YTHDF2: variants seen among roughly 807,000 people sequenced by gnomAD.
The protein encoded by YTHDF2 is YTH N6-methyladenosine RNA binding protein F2.
In YTHDF2, 2 loss-of-function variants were observed where a neutral mutation model predicts 50.4. That is an observed-to-expected ratio of 0.04 (90% confidence interval 0.02 to 0.12). The LOEUF (loss-of-function observed/expected upper bound fraction) is 0.12. YTHDF2 is among the 10% of genes least tolerant of loss of function. The pLI is 1.00. For missense variants in YTHDF2, 483 were observed against 722.6 expected, an observed-to-expected ratio of 0.67 and a Z score of 3.80; for synonymous variants, 217 against 255.6, an observed-to-expected ratio of 0.85 and a Z score of 1.44.
intron 4 of YTHDF2, among the ~76,000 whole-genome samples, chr1:28,753,923 T>C (rs1570472849): frequency 6.6e-6 from 1 of 152,000 alleles, no homozygotes; most frequent in Non-Finnish European, 1.5e-5. Context: ...GCTAGGCTGG[T>C]CTCAAACTCC....
At chr1:28,766,076 C>T (rs563713011) in intron 4 of YTHDF2, among the ~76,000 whole-genome samples, 20 of 152,166 alleles carry the variant, frequency 1.3e-4, no homozygotes, top group Non-Finnish European at 2.5e-4. Context: ...ATTTGGAGAC[C>T]GTGGTTTCAT....
intron 3 of YTHDF2, 58 bp downstream of exon 3, chr1:28,738,396 C>T (rs976456309): frequency 1.3e-4 from 170 of 1,348,132 alleles, no homozygotes; most frequent in Non-Finnish European, 1.7e-4. Context: ...CTTTCTCCGC[C>T]TTCTACCAAT....
intron 4 of YTHDF2, among the ~76,000 whole-genome samples, chr1:28,753,603 G>A (rs1469240303): frequency 2.6e-5 from 4 of 151,882 alleles, no homozygotes; most frequent in Admixed American, 2.6e-4. Flanking sequence ...AATGCTTATG[G>A]TATGTTTTCA....
intron 3 of YTHDF2, 91 bp downstream of exon 3, chr1:28,738,429 AT>A (rs964001631): frequency 1.2e-4 from 134 of 1,153,718 alleles, no homozygotes; most frequent in Admixed American, 1.4e-4. Flanking sequence ...CTGAGGATTC[AT>A]TTTTTTTTCT....
chr1:28,749,179 C>CTTTT (rs60729215), intron 4 of YTHDF2, among the ~76,000 whole-genome samples: 68 of 107,406 alleles, frequency 6.3e-4, no homozygotes, highest in African/African-American at 7.5e-4. Context: ...TTCTTTCTTC[C>CTTTT]TTTTTTTTTT....
chr1:28,745,243 AGTT>A (rs551044117), intron 4 of YTHDF2, among the ~76,000 whole-genome samples: 9 of 152,236 alleles, frequency 5.9e-5, no homozygotes, highest in Admixed American at 3.3e-4. Context: ...GGAGGTACAT[AGTT>A]GTTAAAGTAG....
intron 4 of YTHDF2, 103 bp from the exon 5 acceptor site, chr1:28,768,826 C>G: frequency 1.1e-6 from 1 of 899,006 alleles, no homozygotes; most frequent in Non-Finnish European, 1.6e-6. Context: ...TCTAATAATT[C>G]TAAATAATTA....
intron 2 of YTHDF2, 69 bp downstream of exon 2, chr1:28,737,751 G>C (rs1400593757): frequency 1.9e-6 from 3 of 1,589,078 alleles, no homozygotes; most frequent in East Asian, 2.3e-5. Flanking sequence ...GGGGTCTCCG[G>C]GAAGCGCCCC....
At chr1:28,761,536 G>C (rs924456648) in intron 4 of YTHDF2, among the ~76,000 whole-genome samples, 1 of 152,102 alleles carries the variant, frequency 6.6e-6, no homozygotes, top group African/African-American at 2.4e-5. Flanking sequence ...TTGGGAGTTC[G>C]AGACCATCCT....
At chr1:28,746,079 G>A (rs1219988899) in intron 4 of YTHDF2, among the ~76,000 whole-genome samples, 2 of 152,070 alleles carry the variant, frequency 1.3e-5, no homozygotes, top group Admixed American at 1.3e-4. Context: ...GAAAAAGATA[G>A]TTTATTGGTG....
At chr1:28,760,823 G>A (rs1451103862) in intron 4 of YTHDF2, among the ~76,000 whole-genome samples, 1 of 151,988 alleles carries the variant, frequency 6.6e-6, no homozygotes, top group Non-Finnish European at 1.5e-5. Flanking sequence ...CAGGTGATCC[G>A]CCTGCCTCTG....
chr1:28,759,641 A>G (rs2088085672), intron 4 of YTHDF2, among the ~76,000 whole-genome samples: 1 of 152,194 alleles, frequency 6.6e-6, no homozygotes, highest in Admixed American at 6.5e-5. Flanking sequence ...AACACAGAAA[A>G]TGTACATTAA....
chr1:28,737,670 C>G lies in YTHDF2; in HGVS notation c.40C>G (p.Gln14Glu). 1 of 1,612,786 alleles carries G rather than the reference C, an allele frequency of 6.2e-7. No homozygotes were observed. The highest frequency in any genetic ancestry group is 8.5e-7 in the Non-Finnish European group (1 of 1,179,294). Residue 14 changes from glutamine to glutamate, a missense_variant, in exon 2 of 5, where the codon CAA becomes GAA. Around this residue, in one of 4 missense-constraint regions of YTHDF2, gnomAD observed 385 missense variants for 475.8 expected, o/e 0.81. Coordinates refer to ENST00000373812, the MANE Select transcript of YTHDF2 (RefSeq NM_016258.3). ...SSLLEQRPKG[Q>E]GNKVQNGSVH... Reference sequence around the variant, plus strand: ...CCTTCCCCTGCAGAGACCAAAAGGTCAAGGAAACAAAGGTAAGTCCCGCTC... The same window carrying G: ...CCTTCCCCTGCAGAGACCAAAAGGTGAAGGAAACAAAGGTAAGTCCCGCTC...
At chr1:28,754,866 A>G (rs1023200985) in intron 4 of YTHDF2, among the ~76,000 whole-genome samples, 1 of 150,810 alleles carries the variant, frequency 6.6e-6, no homozygotes, top group Admixed American at 6.7e-5. Flanking sequence ...AGTCCCAGCT[A>G]CTCAGGGAGC....
chr1:28,768,203 GA>G (rs1249079504), intron 4 of YTHDF2, among the ~76,000 whole-genome samples: 1 of 151,120 alleles, frequency 6.6e-6, no homozygotes, highest in Admixed American at 6.6e-5. Context: ...GTCTCAAAAA[GA>G]AAAAAAAATT....
In YTHDF2 at chr1:28,746,762, C is replaced by T. The variant is rs373656538; in HGVS notation, c.1716+2776C>T. Among the ~76,000 whole-genome samples the T allele has an allele frequency of 1.5e-4, 22 of 150,064 alleles. No individual in the cohort carries two copies. The East Asian group carries it at 4.2e-3, about 29-fold the overall frequency. On this transcript the variant is annotated intron_variant, in intron 4 of 4. Coordinates refer to ENST00000373812, the MANE Select transcript of YTHDF2 (RefSeq NM_016258.3). Reference sequence around the variant, plus strand: ...GCGATAGAGAGAGACTCTGTCTAAACAAACAAGTAGCAAATTTAGGTTTTG... The same window carrying T: ...GCGATAGAGAGAGACTCTGTCTAAATAAACAAGTAGCAAATTTAGGTTTTG...
rs370961607 is a variant in YTHDF2 at position 28,743,569 on chromosome 1, C to T, written c.1299C>T (p.Cys433=). ...IHRSIKYNIW[C]STEHGNKRLD... The stretch of plus-strand genomic sequence containing the variant: ...GTTCCATTAAGTATAATATTTGGTG[C>T]AGCACAGAGCATGGTAACAAGAGAC... Residue 433 remains cysteine, a synonymous_variant, in exon 4 of 5, where the codon TGC becomes TGT. Coordinates refer to ENST00000373812, the MANE Select transcript of YTHDF2 (RefSeq NM_016258.3). This position sits in a 1 kb window ranked among gnomAD's most constrained non-coding sequence, Gnocchi z 6.9. The T allele has an allele frequency of 1.9e-6, 3 of 1,614,170 alleles. No individual in the cohort carries two copies. Among genetic ancestry groups the T allele is most frequent in the Non-Finnish European group, 2.5e-6 (3 of 1,180,036 alleles).
rs1354757419 is a variant in YTHDF2 at position 28,753,379 on chromosome 1, A to C, written c.1716+9393A>C. Among the ~76,000 whole-genome samples the C allele has an allele frequency of 4.0e-4, 57 of 141,986 alleles. 3 individuals carry two copies. Among genetic ancestry groups the C allele is most frequent in the East Asian group, 2.1e-3 (10 of 4,784 alleles). 93.1% of individuals were successfully genotyped at this position (141,986 alleles called of 152,430 possible). Reference sequence around the variant, plus strand: ...TCTCCAAAAAAAAAAAAAAAAAAAAAAAAAAAAAAAAAAAAAAAATCAGCC... The same window carrying C: ...TCTCCAAAAAAAAAAAAAAAAAAAACAAAAAAAAAAAAAAAAAAATCAGCC... On this transcript the variant is annotated intron_variant, in intron 4 of 4. Coordinates refer to ENST00000373812, the MANE Select transcript of YTHDF2 (RefSeq NM_016258.3).
rs148693191 is a variant in YTHDF2 at position 28,759,489 on chromosome 1, A to G, written c.1717-9440A>G. 3.9e-5 allele frequency among the ~76,000 whole-genome samples: 6 copies of G among 152,326 alleles called. No homozygotes were observed. The East Asian group carries it at 1.2e-3, about 29-fold the overall frequency. ...TGTCCTGCAAACATAGTGTACTTACACAAACCTAGATGGTAGAGCCTACTA... is the reference window on the plus strand; with the variant it reads ...TGTCCTGCAAACATAGTGTACTTACGCAAACCTAGATGGTAGAGCCTACTA... On this transcript the variant is annotated intron_variant, in intron 4 of 4. Coordinates refer to ENST00000373812, the MANE Select transcript of YTHDF2 (RefSeq NM_016258.3).
Sources: gnomAD v4.1 joint callset for allele counts (sites outside exome capture counted in the v4.1 genomes callset) on GRCh38, gnomAD v4.1.1 for gene constraint, gnomAD v4.1.1 regional missense constraint, Gnocchi (gnomAD v3.1) non-coding constraint, MANE v1.5 for transcripts, NCBI Gene and HGNC (gene_info 2026-07-23, HGNC 2026-07-21) for gene names.